Variants in CHSY3 observed in about 807,000 individuals in gnomAD.
The protein encoded by CHSY3 is N-acetylgalactosaminyl-proteoglycan 3-beta-glucuronosyltransferase 3.
Under a neutral mutation model 67.2 loss-of-function variants are expected in CHSY3, and 35 were observed. That is an observed-to-expected ratio of 0.52 (90% CI 0.40 to 0.69). CHSY3 has a LOEUF of 0.69. CHSY3 is among the 30% of genes least tolerant of loss of function. The pLI, the probability that CHSY3 is intolerant of heterozygous loss-of-function variation, is 0.00. For missense variants in CHSY3, 1,069 were observed against 1,138.5 expected, an observed-to-expected ratio of 0.94 and a Z score of 0.88; for synonymous variants, 474 against 434.7, an observed-to-expected ratio of 1.09 and a Z score of -1.12.
At position 130,184,824 on chromosome 5, in the gene CHSY3, C is replaced by G; in HGVS notation, c.1682C>G (p.Ala561Gly). Residue 561 changes from alanine to glycine, a missense_variant, in exon 3 of 3, where the codon GCC (alanine) becomes GGC (glycine). Coordinates refer to ENST00000305031, the MANE Select transcript of CHSY3 (RefSeq NM_175856.5). ...RKLTVPVRRH[A>G]YLQQLFSKPF... The stretch of plus-strand genomic sequence containing the variant: ...CTGACTGTGCCAGTGAGACGTCATG[C>G]CTATCTTCAGCAGTTGTTCAGCAAG... 6.2e-7 allele frequency: 1 copy of G among 1,610,584 alleles called. No homozygotes were observed.
intron 2 of CHSY3, among the ~76,000 whole-genome samples, chr5:130,032,064 C>T (rs1413578880): frequency 6.6e-6 from 1 of 152,086 alleles, no homozygotes; most frequent in Admixed American, 6.6e-5. Flanking sequence ...ACTTGTATTT[C>T]ATTTATGGTT....
chr5:130,020,461 A>ATATATATATATATTT (rs1371121130), intron 2 of CHSY3, among the ~76,000 whole-genome samples: 1 of 79,930 alleles, frequency 1.3e-5, no homozygotes, highest in Admixed American at 1.5e-4. Context: ...ATATATATAT[A>ATATATATATATATTT]TTTTTTTTTT....
chr5:130,134,248 T>C (rs1768586178), intron 2 of CHSY3, among the ~76,000 whole-genome samples: 1 of 152,226 alleles, frequency 6.6e-6, no homozygotes, highest in South Asian at 2.1e-4. Context: ...GTGGTGATTT[T>C]TTTGCAAATG....
intron 2 of CHSY3, among the ~76,000 whole-genome samples, chr5:129,962,785 G>A (rs1403329321): frequency 6.6e-6 from 1 of 151,854 alleles, no homozygotes; most frequent in African/African-American, 2.4e-5. Context: ...GCTGAATTCC[G>A]GCTTCAAGGA....
chr5:130,146,442 A>G (rs1271080506), intron 2 of CHSY3, among the ~76,000 whole-genome samples: 1 of 152,154 alleles, frequency 6.6e-6, no homozygotes, highest in African/African-American at 2.4e-5. Flanking sequence ...AGTGATTACC[A>G]GAGACTGGAG....
intron 2 of CHSY3, among the ~76,000 whole-genome samples, chr5:130,009,825 A>G (rs1763995458): frequency 6.6e-6 from 1 of 152,142 alleles, no homozygotes; most frequent in Non-Finnish European, 1.5e-5. Flanking sequence ...AAACATGAGG[A>G]AAGGTAGCTG....
At chr5:130,057,014 C>T (rs1200879483) in intron 2 of CHSY3, among the ~76,000 whole-genome samples, 3 of 149,590 alleles carry the variant, frequency 2.0e-5, no homozygotes, top group Non-Finnish European at 4.4e-5. Flanking sequence ...AGCTCCTCCT[C>T]CCGGGTTCAC....
intron 2 of CHSY3, among the ~76,000 whole-genome samples, chr5:129,993,137 A>G (rs1290511510): frequency 6.6e-6 from 1 of 152,152 alleles, no homozygotes; most frequent in Non-Finnish European, 1.5e-5. Context: ...ATTAAGCTCA[A>G]AGCTTATGTG....
At chr5:130,152,521 CA>C (rs1400547134) in intron 2 of CHSY3, among the ~76,000 whole-genome samples, 2 of 151,998 alleles carry the variant, frequency 1.3e-5, no homozygotes, top group African/African-American at 2.4e-5. Flanking sequence ...CTTTTCCTAT[CA>C]GTTTTGTGAG....
At chr5:130,096,413 C>T (rs1473840084) in intron 2 of CHSY3, among the ~76,000 whole-genome samples, 2 of 152,096 alleles carry the variant, frequency 1.3e-5, no homozygotes, top group Non-Finnish European at 2.9e-5. Context: ...CCTCATAATC[C>T]GCCTGCCTCA....
rs1354688211 is a variant in CHSY3 at position 130,186,382 on chromosome 5, G to C, written c.*591G>C. The C allele has an allele frequency of 6.6e-6, 1 of 150,594 alleles. No homozygotes were observed. The highest frequency in any genetic ancestry group is 1.5e-5 in the Non-Finnish European group (1 of 68,016). 9.3% of individuals were successfully genotyped at this position (150,594 alleles called of 1,614,324 possible). A position where few individuals can be genotyped will look rare whatever the true frequency, so the allele number is the denominator to read the frequency against. On this transcript the variant is annotated 3_prime_UTR_variant, in exon 3 of 3. Coordinates refer to ENST00000305031, the MANE Select transcript of CHSY3 (RefSeq NM_175856.5). ...TAAAAAAAGTTTTAAAAATTGAGGA[G>C]TTTTGTTCCACAAGCAACCGGTACT... is the stretch of plus-strand genomic sequence containing the variant.
chr5:130,043,916 C>T (rs1181736568), intron 2 of CHSY3, among the ~76,000 whole-genome samples: 3 of 152,040 alleles, frequency 2.0e-5, no homozygotes, highest in Non-Finnish European at 4.4e-5. Flanking sequence ...TTTCACCATG[C>T]AAGGCCTCTA....
intron 2 of CHSY3, among the ~76,000 whole-genome samples, chr5:130,158,911 T>A (rs1769447041): frequency 6.6e-6 from 1 of 151,842 alleles, no homozygotes; most frequent in East Asian, 2.0e-4. Context: ...GGCGATCTTT[T>A]CACTTCAGCC....
chr5:130,049,978 C>A (rs1434084980), intron 2 of CHSY3, among the ~76,000 whole-genome samples: 2 of 151,994 alleles, frequency 1.3e-5, no homozygotes, highest in African/African-American at 2.4e-5. Context: ...AAAGTAGAAT[C>A]TCATACCTTA....
intron 2 of CHSY3, among the ~76,000 whole-genome samples, chr5:129,978,492 A>T (rs1441502043): frequency 6.6e-6 from 1 of 152,162 alleles, no homozygotes; most frequent in Admixed American, 6.5e-5. Flanking sequence ...CTTACAATTA[A>T]TATGCAGTTT....
chr5:130,074,652 A>G (rs183227170), intron 2 of CHSY3, among the ~76,000 whole-genome samples: 1 of 152,298 alleles, frequency 6.6e-6, no homozygotes, highest in East Asian at 1.9e-4. Flanking sequence ...AAAATAGGGG[A>G]CAGTTTTCTA....
chr5:130,026,970 C>T (rs1764562181), intron 2 of CHSY3, among the ~76,000 whole-genome samples: 1 of 152,074 alleles, frequency 6.6e-6, no homozygotes, highest in African/African-American at 2.4e-5. Flanking sequence ...AGTGGGATGC[C>T]TAGTGCTGTC....
rs533125623 is a variant in CHSY3, at chr5:129,973,279, T to C, written c.1086+64919T>C. Among the ~76,000 whole-genome samples, 6 of 152,198 alleles carry C rather than the reference T, an allele frequency of 3.9e-5. No homozygotes were observed. In the East Asian group the frequency reaches 1.2e-3, roughly 29 times the overall value. On this transcript the variant is annotated intron_variant, in intron 2 of 2. Transcript: ENST00000305031. ...ATATTATCCTTGTATTTCTTCTAAT[T>C]TAATTACACTTTTTATGAAGAATTT...
At chr5:129,943,890 A>C (rs1211131209) in intron 2 of CHSY3, among the ~76,000 whole-genome samples, 1 of 152,228 alleles carries the variant, frequency 6.6e-6, no homozygotes, top group Non-Finnish European at 1.5e-5. Flanking sequence ...AATCTCACCA[A>C]ATTAGATAAA....
Sources: gnomAD v4.1 joint callset for allele counts (sites outside exome capture counted in the v4.1 genomes callset) on GRCh38, gnomAD v4.1.1 for gene constraint, MANE v1.5 for transcripts, NCBI Gene and HGNC (gene_info 2026-07-23, HGNC 2026-07-21) for gene names.